The following SGCD variants were observed in gnomAD, a reference collection of about 807,000 sequenced individuals.
The protein encoded by SGCD is sarcoglycan delta.
Under a neutral mutation model 36.6 loss-of-function variants are expected in SGCD, and 18 were observed. The observed-to-expected ratio is 0.49, with a 90% CI of 0.34 to 0.73. The LOEUF (loss-of-function observed/expected upper bound fraction) is 0.73, where lower values mean the gene tolerates loss of function less well. Ranked by LOEUF, SGCD falls within the 30% of genes least tolerant of loss-of-function variation. The pLI is 0.01. For synonymous variants in SGCD, 133 were observed against 130.6 expected (o/e 1.02, Z -0.12); for missense variants, 387 against 346.7 (o/e 1.12, Z -0.92).
intron 3 of SGCD, among the ~76,000 whole-genome samples, chr5:156,183,346 C>T (rs143106579): frequency 6.6e-6 from 1 of 152,070 alleles, no homozygotes; most frequent in Non-Finnish European, 1.5e-5. Flanking sequence ...TCACAGTACC[C>T]CACTTGGCCT....
chr5:156,381,011 CAAG>C (rs1770946547), intron 3 of SGCD, among the ~76,000 whole-genome samples: 1 of 152,092 alleles, frequency 6.6e-6, no homozygotes, highest in South Asian at 2.1e-4. Flanking sequence ...TGAAATTCTC[CAAG>C]AAGTCTCTCT....
intron 4 of SGCD, among the ~76,000 whole-genome samples, chr5:156,545,976 A>C (rs964443392): frequency 5.3e-5 from 8 of 152,142 alleles, no homozygotes; most frequent in African/African-American, 1.9e-4. Flanking sequence ...CTTTTGAAAA[A>C]CGGCAGCATT....
the SGCD span, among the ~76,000 whole-genome samples, chr5:155,771,806 C>T: frequency 6.6e-6 from 1 of 152,092 alleles, no homozygotes; most frequent in African/African-American, 2.4e-5. Context: ...CCAGTCTTAG[C>T]CTCCCAAAGC....
chr5:155,775,713 C>A, the SGCD span, among the ~76,000 whole-genome samples: 2 of 151,856 alleles, frequency 1.3e-5, no homozygotes, highest in African/African-American at 4.9e-5. Flanking sequence ...CTCATTCAGT[C>A]TCTGATTATG....
intron 1 of SGCD, among the ~76,000 whole-genome samples, chr5:156,069,779 A>G (rs1359343010): frequency 1.3e-5 from 2 of 151,076 alleles, no homozygotes; most frequent in Non-Finnish European, 2.9e-5. Context: ...ATGTTCTTCC[A>G]TTTGTTTGTA....
rs535598681 is a variant in SGCD, at chr5:156,630,874, G to A, written c.503-16590G>A. ...GTGGGACCTAAATATTACTACTATT[G>A]TTCAACATTATATCCTTAGAACCTA... On this transcript the variant is annotated intron_variant, in intron 6 of 8. Coordinates refer to ENST00000337851, the MANE Select transcript of SGCD (RefSeq NM_000337.6). Among the ~76,000 whole-genome samples the A allele has an allele frequency of 3.9e-5, 6 of 152,202 alleles. No individual in the cohort carries two copies. In the South Asian group the frequency reaches 1.2e-3, roughly 32 times the overall value.
At chr5:156,455,159 T>G (rs1344190277) in intron 3 of SGCD, among the ~76,000 whole-genome samples, 1 of 152,176 alleles carries the variant, frequency 6.6e-6, no homozygotes, top group Admixed American at 6.5e-5. Flanking sequence ...TGCATAAAGA[T>G]ATACCAAAGT....
At chr5:156,051,432 G>C (rs1759912904) in intron 1 of SGCD, among the ~76,000 whole-genome samples, 1 of 146,430 alleles carries the variant, frequency 6.8e-6, no homozygotes, top group African/African-American at 2.5e-5. Flanking sequence ...CATGGAGAGA[G>C]ATGGGAGCTG....
intron 3 of SGCD, among the ~76,000 whole-genome samples, chr5:156,320,097 A>ATG (rs10535885): frequency 0.012 from 1,821 of 146,172 alleles, 24 homozygotes; most frequent in Middle Eastern, 0.028. Flanking sequence ...AGCCTTTGAT[A>ATG]TGTGTGTGTG....
At chr5:156,145,736 G>T (rs1344094962) in intron 3 of SGCD, among the ~76,000 whole-genome samples, 3 of 152,060 alleles carry the variant, frequency 2.0e-5, no homozygotes, top group Non-Finnish European at 2.9e-5. Flanking sequence ...TACCAATAAA[G>T]AATTTTTTCA....
intron 3 of SGCD, among the ~76,000 whole-genome samples, chr5:156,375,143 T>C (rs188346747): frequency 6.6e-6 from 1 of 152,284 alleles, no homozygotes; most frequent in East Asian, 1.9e-4. Context: ...TCCTTCTCTC[T>C]GTCAACCTCT....
At position 155,984,795 on chromosome 5, in the gene SGCD, C is replaced by A. The variant is rs77654058; in HGVS notation, c.-282+114371C>A. Among the ~76,000 whole-genome samples, 14 of 152,290 alleles carry A rather than the reference C, an allele frequency of 9.2e-5. No individual in the cohort carries two copies. The East Asian group carries it at 2.7e-3, about 29-fold the overall frequency. On this transcript the variant is annotated intron_variant, in intron 1 of 9. Coordinates refer to the SGCD transcript ENST00000517913. ...CTCCACCAGAACCTCTGATATAGAC[C>A]CTCTTAGTGCCAGGTGCTCCCCCTC...
intron 3 of SGCD, among the ~76,000 whole-genome samples, chr5:156,283,886 G>A (rs1239274532): frequency 6.6e-6 from 1 of 152,160 alleles, no homozygotes; most frequent in Non-Finnish European, 1.5e-5. Flanking sequence ...GTTAGAGGTA[G>A]AGTGAAAAGT....
At chr5:156,504,392 GTATATATATA>G (rs59580975) in intron 3 of SGCD, among the ~76,000 whole-genome samples, 1,077 of 75,092 alleles carry the variant, frequency 0.014, 16 homozygotes, top group African/African-American at 0.032. Flanking sequence ...GTGTGTGTGT[GTATATATATA>G]TATATATATA....
intron 3 of SGCD, among the ~76,000 whole-genome samples, chr5:156,235,797 G>T (rs932327801): frequency 6.6e-6 from 1 of 152,152 alleles, no homozygotes; most frequent in Non-Finnish European, 1.5e-5. Context: ...TTTGTGCAAG[G>T]TATTTTATTT....
intron 1 of SGCD, among the ~76,000 whole-genome samples, chr5:155,925,369 GT>G (rs1292806733): frequency 6.6e-6 from 1 of 152,172 alleles, no homozygotes; most frequent in Non-Finnish European, 1.5e-5. Context: ...CTCTCTCACA[GT>G]TCTGGAGGCC....
chr5:156,444,102 CT>C (rs1753638707), intron 3 of SGCD, among the ~76,000 whole-genome samples: 3 of 115,790 alleles, frequency 2.6e-5, no homozygotes, highest in African/African-American at 1.2e-4. Flanking sequence ...CTCTCTCTCT[CT>C]CTCTCTCTCT....
intron 3 of SGCD, among the ~76,000 whole-genome samples, chr5:156,237,412 G>T (rs1765193362): frequency 6.6e-6 from 1 of 152,010 alleles, no homozygotes; most frequent in Admixed American, 6.6e-5. Flanking sequence ...ATCACCTGAG[G>T]TTGGGAGTTC....
chr5:156,333,402 A>G (rs1580833402), intron 2 of SGCD, among the ~76,000 whole-genome samples: 1 of 152,338 alleles, frequency 6.6e-6, no homozygotes, highest in East Asian at 1.9e-4. Context: ...GTATTCAATA[A>G]TATGTCTTAA....
Sources: gnomAD v4.1 joint callset for allele counts (sites outside exome capture counted in the v4.1 genomes callset) on GRCh38, gnomAD v4.1.1 for gene constraint, MANE v1.5 for transcripts, NCBI Gene and HGNC (gene_info 2026-07-23, HGNC 2026-07-21) for gene names.